HEXD: variants seen among roughly 807,000 people sequenced by gnomAD.
HEXD encodes the protein hexosaminidase D, also known as N-acetyl-beta-galactosaminidase.
HEXD carries 47 observed loss-of-function variants against 54.2 expected under a neutral mutation model. That is an observed-to-expected ratio of 0.87 (90% CI 0.69 to 1.11). The LOEUF (loss-of-function observed/expected upper bound fraction) is 1.11, where lower values mean the gene tolerates loss of function less well. HEXD is among the 50% of genes least tolerant of loss of function. The pLI, the probability that HEXD is intolerant of heterozygous loss-of-function variation, is 0.00. For synonymous variants in HEXD, 293 were observed against 287.6 expected, an observed-to-expected ratio of 1.02 and a Z score of -0.19; for missense variants, 576 against 649.2, an observed-to-expected ratio of 0.89 and a Z score of 1.23.
chr17:82,436,645 C>T (rs550021968), intron 6 of HEXD, 22 bp from the exon 7 acceptor site: 2 of 1,598,828 alleles, frequency 1.3e-6, no homozygotes, highest in Non-Finnish European at 1.7e-6. Context: ...TCTCACCAAC[C>T]TCACGTCCGC....
At chr17:82,440,031 C>G (rs958984243) in intron 9 of HEXD, 2 of 1,332,676 alleles carry the variant, frequency 1.5e-6, no homozygotes, top group African/African-American at 3.0e-5. Flanking sequence ...GCACACACGT[C>G]CTGCCCACCT....
rs183453865 is a variant in HEXD at position 82,434,594 on chromosome 17, T to C, written c.447+772T>C. On this transcript the variant is annotated intron_variant, in intron 5 of 12. Transcript: ENST00000327949. This position sits in a 1 kb window ranked among gnomAD's most constrained non-coding sequence, Gnocchi z 4.5. ...GGCTCACGCCTGTAATCCCAGCACT[T>C]TGGGAGACCAAAGTGGGTGGATCAC... 2.0e-5 allele frequency among the ~76,000 whole-genome samples: 3 copies of C among 152,294 alleles called. No individual in the cohort carries two copies. Among genetic ancestry groups the C allele is most frequent in the Admixed American group, 6.5e-5 (1 of 15,302 alleles).
intron 3 of HEXD, among the ~76,000 whole-genome samples, chr17:82,425,076 G>A (rs539695740): frequency 6.6e-6 from 1 of 151,330 alleles, no homozygotes; most frequent in African/African-American, 2.4e-5. Flanking sequence ...GAAGGCTGGA[G>A]AAGGCTGGAG....
chr17:82,428,496 G>C, intron 3 of HEXD, 62 bp from the exon 4 acceptor site: 1 of 1,418,888 alleles, frequency 7.0e-7, no homozygotes, highest in Non-Finnish European at 9.9e-7. Flanking sequence ...GGGCTGGGGG[G>C]GTGGGTGTGG....
chr17:82,437,136 G>A, intron 7 of HEXD, 32 bp from the exon 8 acceptor site: 1 of 1,545,532 alleles, frequency 6.5e-7, no homozygotes, highest in South Asian at 1.2e-5. Flanking sequence ...CGCCTCCCCT[G>A]GAGCCACTCA....
At chr17:82,429,254 C>T (rs2053508406) in intron 4 of HEXD, among the ~76,000 whole-genome samples, 2 of 151,916 alleles carry the variant, frequency 1.3e-5, no homozygotes, top group Non-Finnish European at 1.5e-5. Context: ...AGCAAGACTC[C>T]GTCTCAAAAA....
In HEXD at chr17:82,436,677, G is replaced by A; in HGVS notation, c.642G>A (p.Val214=). ...CCGCTCTGTCTGCAGCGTCCGGGGTGCCGCAGCTGGTGGAGCCGGTGCTCT... is the reference window on the plus strand; with the variant it reads ...CCGCTCTGTCTGCAGCGTCCGGGGTACCGCAGCTGGTGGAGCCGGTGCTCT... ...LPEDQLAASG[V]PQLVEPVLWD... The change falls in exon 7 of 13, where the codon GTG becomes GTA. Residue 214 remains valine, a synonymous_variant. Coordinates refer to ENST00000327949, the MANE Select transcript of HEXD (RefSeq NM_001330542.2). 2.5e-6 allele frequency: 4 copies of A among 1,611,086 alleles called. No homozygotes were observed. Among genetic ancestry groups the A allele is most frequent in the Non-Finnish European group, 2.5e-6 (3 of 1,179,436 alleles).
chr17:82,435,988 GA>G, intron 6 of HEXD, 116 bp downstream of exon 6: 1 of 989,414 alleles, frequency 1.0e-6, no homozygotes, highest in Non-Finnish European at 1.5e-6. Flanking sequence ...GCCCCGCACA[GA>G]CCCGCCACAA....
intron 2 of HEXD, chr17:82,420,422 C>T (rs2053200098): frequency 6.6e-6 from 1 of 152,374 alleles, no homozygotes; most frequent in Admixed American, 6.5e-5. Flanking sequence ...CCGAGGACAG[C>T]TGACGATCAC....
At chr17:82,424,825 C>G (rs1011136103) in intron 3 of HEXD, among the ~76,000 whole-genome samples, 1 of 152,082 alleles carries the variant, frequency 6.6e-6, no homozygotes, top group Non-Finnish European at 1.5e-5. Flanking sequence ...GGCTGGACTA[C>G]AGAAGGTTAG....
At chr17:82,433,179 C>T (rs1322361829) in intron 4 of HEXD, among the ~76,000 whole-genome samples, 1 of 131,104 alleles carries the variant, frequency 7.6e-6, no homozygotes, top group African/African-American at 2.9e-5. Context: ...TGGTGGTTCA[C>T]GCCTGTAATC....
At position 82,421,060 on chromosome 17, in the gene HEXD, T is replaced by TCCCTCCAAAGAG. The variant is rs1366348913; in HGVS notation, c.84+1177_84+1178insCCCTCCAAAGAG. On this transcript the variant is annotated intron_variant, in intron 2 of 12. Coordinates refer to ENST00000327949, the MANE Select transcript of HEXD (RefSeq NM_001330542.2). ...AGAGGAAAGAGGGAAACTCCAACAGTGCTATGACCAGAGGACCCAGAAAAT... is the reference window on the plus strand; with the variant it reads ...AGAGGAAAGAGGGAAACTCCAACAGTCCCTCCAAAGAGGCTATGACCAGAGGACCCAGAAAAT... Among the ~76,000 whole-genome samples, 527 of 152,184 alleles carry TCCCTCCAAAGAG rather than the reference T, an allele frequency of 3.5e-3. 3 individuals are homozygous for TCCCTCCAAAGAG. Among genetic ancestry groups the TCCCTCCAAAGAG allele is most frequent in the African/African-American group, 0.012 (501 of 41,532 alleles).
At chr17:82,424,597 G>A in intron 3 of HEXD, 94 bp downstream of exon 3, 1 of 811,070 alleles carries the variant, frequency 1.2e-6, no homozygotes, top group Non-Finnish European at 2.1e-6. Context: ...GGAGGTGCGG[G>A]TGGCACAGTC....
rs761937464 is a variant in HEXD at position 82,442,316 on chromosome 17, C to T, written c.1393C>T (p.Leu465Phe). Residue 465 changes from leucine (L) to phenylalanine (F), a missense_variant, in exon 13 of 13, where the codon CTC becomes TTC. Leu to Phe is a conservative substitution (Grantham distance 22). Coordinates refer to ENST00000327949, the MANE Select transcript of HEXD (RefSeq NM_001330542.2). The surrounding 1 kb of genome is among the most constrained non-coding windows in gnomAD (Gnocchi z 6.8). ...GCGGCTGCAAGCTCTGCTGCAGGAC[C>T]TCAGCGAGGTGTCTGCCCCCCCGCT... ...LQRLQALLQD[L>F]SEVSAPPLPP... The T allele has an allele frequency of 8.1e-6, 13 of 1,610,162 alleles. No homozygotes were observed. The highest frequency in any genetic ancestry group is 1.1e-5 in the South Asian group (1 of 91,088).
Position 82,422,036 on chromosome 17 carries a change from C to T in HEXD, c.84+2153C>T, listed in dbSNP as rs536077662. Among the ~76,000 whole-genome samples the T allele has an allele frequency of 7.2e-5, 11 of 151,764 alleles. No individual in the cohort carries two copies. In the East Asian group the frequency reaches 1.2e-3, roughly 16 times the overall value. On this transcript the variant is annotated intron_variant, in intron 2 of 12. Transcript: ENST00000327949. ...ACCAAAAATTAGCCCCGTGTGGTGG[C>T]GGCGCCTGTAATCCTGCTACTCGAG...
rs779059951 is a variant in HEXD, at chr17:82,441,263, A to G, written c.1160A>G (p.Asn387Ser). The G allele has an allele frequency of 5.0e-6, 8 of 1,607,554 alleles. No homozygotes were observed. Among genetic ancestry groups the G allele is most frequent in the East Asian group, 4.5e-5 (2 of 44,464 alleles). ...RSSVDALLEGNRYVTGWFSPY... is the reference protein window; with the variant it reads ...RSSVDALLEGSRYVTGWFSPY... ...TCTGTGGATGCGCTGCTGGAGGGCAACAGGTGAGCGTGTGGGTTAGGGGCA... is the reference window on the plus strand; with the variant it reads ...TCTGTGGATGCGCTGCTGGAGGGCAGCAGGTGAGCGTGTGGGTTAGGGGCA... Residue 387 changes from asparagine to serine, a missense_variant, in exon 11 of 13, where the codon AAC (asparagine) becomes AGC (serine). Transcript: ENST00000327949.
In HEXD at chr17:82,433,131, T is replaced by TA. The variant is rs2053656412; in HGVS notation, c.283-527_283-526insA. 7.0e-5 allele frequency among the ~76,000 whole-genome samples: 2 copies of TA among 28,616 alleles called. 1 individual carries two copies. Among genetic ancestry groups the TA allele is most frequent in the Non-Finnish European group, 1.0e-4 (2 of 19,096 alleles). 18.8% of individuals were successfully genotyped at this position (28,616 alleles called of 152,430 possible). On this transcript the variant is annotated intron_variant, in intron 4 of 12. Transcript: ENST00000327949. ...ATATATATATATATATATATATATT[T>TA]TTTTTTTTTTTTTATATATATATTT...
intron 8 of HEXD, among the ~76,000 whole-genome samples, chr17:82,438,115 T>C (rs1179432394): frequency 6.6e-6 from 1 of 152,122 alleles, no homozygotes; most frequent in African/African-American, 2.4e-5. Context: ...CACGCGCCTA[T>C]GATCCTAGCT....
chr17:82,435,867 T>A lies in HEXD; in HGVS notation c.626T>A (p.Leu209His). The change falls in exon 6 of 13, where the codon CTC becomes CAC. Residue 209 changes from leucine to histidine, a missense_variant. By Grantham distance (99) the Leu-to-His change is moderately conservative (BLOSUM62 -3). Coordinates refer to ENST00000327949, the MANE Select transcript of HEXD (RefSeq NM_001330542.2). ...CTCCGAGACCTGCCTGAGGACCAGC[T>A]CGCAGGTCGGCCAACAGGGCTGGGG... ...DMLRDLPEDQ[L>H]AASGVPQLVE... 1 of 1,603,846 alleles carries A rather than the reference T, an allele frequency of 6.2e-7. No individual in the cohort carries two copies.
Sources: allele counts gnomAD v4.1 joint callset (sites outside exome capture counted in the v4.1 genomes callset), GRCh38; gene constraint gnomAD v4.1.1; non-coding constraint Gnocchi (gnomAD v3.1); transcripts MANE v1.5; gene names NCBI Gene and HGNC (gene_info 2026-07-23, HGNC 2026-07-21).